Variants in FBXO32 observed in about 807,000 individuals in gnomAD.
FBXO32 encodes the protein F-box only protein 32.
A neutral mutation model predicts 48.3 loss-of-function variants in FBXO32; 15 were observed. The ratio of observed to expected loss-of-function variants is 0.31; its 90% confidence interval spans 0.21 to 0.48. The LOEUF (loss-of-function observed/expected upper bound fraction) is 0.48. Ranked by LOEUF, FBXO32 falls within the 20% of genes least tolerant of loss-of-function variation. FBXO32 has a pLI of 0.99. For synonymous variants in FBXO32, 154 were observed against 165.9 expected (o/e 0.93, Z 0.55); for missense variants, 309 against 432.7 (o/e 0.71, Z 2.54).
chr8:123,508,745 A>G (rs948494888), intron 6 of FBXO32, among the ~76,000 whole-genome samples: 4 of 152,082 alleles, frequency 2.6e-5, no homozygotes, highest in Non-Finnish European at 5.9e-5. Flanking sequence ...TTCGTTTCCA[A>G]CACTTCAAAG....
intron 4 of FBXO32, among the ~76,000 whole-genome samples, chr8:123,526,484 C>A (rs1212010971): frequency 6.6e-6 from 1 of 152,130 alleles, no homozygotes; most frequent in East Asian, 1.9e-4. Flanking sequence ...GCCTCAGCCT[C>A]CCAAAGTGCT....
chr8:123,516,823 C>G (rs1282866452), intron 4 of FBXO32, among the ~76,000 whole-genome samples: 1 of 151,990 alleles, frequency 6.6e-6, no homozygotes, highest in East Asian at 1.9e-4. Context: ...TACTGGTGAT[C>G]TAGTTGGAAG....
At chr8:123,508,122 G>C (rs1816665547) in intron 6 of FBXO32, among the ~76,000 whole-genome samples, 2 of 152,152 alleles carry the variant, frequency 1.3e-5, no homozygotes, top group African/African-American at 2.4e-5. Context: ...TGTGACCTCT[G>C]AGAGGTCACA....
chr8:123,541,080 C>A lies in FBXO32; in HGVS notation c.-66G>T. 8.9e-7 allele frequency: 1 copy of A among 1,127,304 alleles called. No individual in the cohort carries two copies. Among genetic ancestry groups the A allele is most frequent in the Non-Finnish European group, 1.2e-6 (1 of 825,352 alleles). The allele number at this position is 1,127,304 out of a possible 1,614,324, so 69.8% of individuals were successfully genotyped here. On this transcript the variant is annotated 5_prime_UTR_variant, in exon 1 of 9. Coordinates refer to ENST00000517956, the MANE Select transcript of FBXO32 (RefSeq NM_058229.4). ...GCCTGGTGGGCTCGGGGACGTGCCA[C>A]CCGGGGCGGATGCTCGGGGTGCAGG...
intron 4 of FBXO32, among the ~76,000 whole-genome samples, chr8:123,524,851 G>T (rs1275871390): frequency 6.6e-6 from 1 of 152,166 alleles, no homozygotes; most frequent in African/African-American, 2.4e-5. Context: ...CCGTGGCTCT[G>T]CTCTTTTGGC....
chr8:123,534,064 C>A (rs62521282), intron 2 of FBXO32, among the ~76,000 whole-genome samples: 13,718 of 151,314 alleles, frequency 0.091, 725 homozygotes, highest in Non-Finnish European at 0.12. Flanking sequence ...CTGACTCCAG[C>A]CTGGGTGAGA....
At chr8:123,534,234 T>C (rs1280028730) in intron 2 of FBXO32, among the ~76,000 whole-genome samples, 1 of 152,108 alleles carries the variant, frequency 6.6e-6, no homozygotes, top group Non-Finnish European at 1.5e-5. Context: ...AAAACATGCA[T>C]TACAGATAAA....
At chr8:123,528,597 G>A (rs976375020) in intron 4 of FBXO32, among the ~76,000 whole-genome samples, 15 of 152,190 alleles carry the variant, frequency 9.9e-5, no homozygotes, top group African/African-American at 3.6e-4. Context: ...CTTGTAGCCA[G>A]TGAAAATGAT....
chr8:123,522,503 C>G (rs1563923798), intron 4 of FBXO32, among the ~76,000 whole-genome samples: 1 of 152,154 alleles, frequency 6.6e-6, no homozygotes, highest in Non-Finnish European at 1.5e-5. Flanking sequence ...GCCCCCACAC[C>G]TGGCCCTGGT....
intron 7 of FBXO32, among the ~76,000 whole-genome samples, chr8:123,505,578 A>T (rs1816599855): frequency 6.6e-6 from 1 of 152,178 alleles, no homozygotes; most frequent in Non-Finnish European, 1.5e-5. Flanking sequence ...TCTACTAAAA[A>T]TACAAAAATT....
At chr8:123,538,416 C>A (rs1266078607) in intron 1 of FBXO32, among the ~76,000 whole-genome samples, 1 of 152,180 alleles carries the variant, frequency 6.6e-6, no homozygotes, top group Non-Finnish European at 1.5e-5. Context: ...ACGGTCCCTC[C>A]CCGCTTAAGG....
chr8:123,530,510 G>A (rs1817178181), intron 4 of FBXO32, among the ~76,000 whole-genome samples: 1 of 152,226 alleles, frequency 6.6e-6, no homozygotes, highest in South Asian at 2.1e-4. Context: ...AGGGAGCTTT[G>A]GAGGGCAGGC....
At chr8:123,515,802 G>C (rs1816828162) in intron 4 of FBXO32, among the ~76,000 whole-genome samples, 1 of 151,878 alleles carries the variant, frequency 6.6e-6, no homozygotes, top group Non-Finnish European at 1.5e-5. Context: ...GACCAGCCTG[G>C]CCAACATGTG....
chr8:123,537,251 A>G (rs1301902137), intron 1 of FBXO32, among the ~76,000 whole-genome samples: 1 of 147,520 alleles, frequency 6.8e-6, no homozygotes, highest in Non-Finnish European at 1.5e-5. Context: ...TTTTTTTTTT[A>G]ATAAGCAAAA....
intron 4 of FBXO32, among the ~76,000 whole-genome samples, chr8:123,529,757 AG>A (rs1408408362): frequency 6.6e-6 from 1 of 152,200 alleles, no homozygotes; most frequent in Admixed American, 6.5e-5. Flanking sequence ...CATATTTTAA[AG>A]GGTTATTGAA....
At chr8:123,511,585 C>T (rs1244650277) in intron 6 of FBXO32, among the ~76,000 whole-genome samples, 5 of 151,986 alleles carry the variant, frequency 3.3e-5, no homozygotes, top group African/African-American at 1.2e-4. Context: ...AAGTGATTCT[C>T]CTGCCTCAGC....
At chr8:123,520,022 A>G (rs1054775366) in intron 4 of FBXO32, among the ~76,000 whole-genome samples, 2 of 152,192 alleles carry the variant, frequency 1.3e-5, no homozygotes, top group African/African-American at 4.8e-5. Flanking sequence ...TCCTGACCTC[A>G]GGTGATCTGC....
At position 123,534,718 on chromosome 8, in the gene FBXO32, G is replaced by A; in HGVS notation, c.213C>T (p.Ser71=). 6.2e-7 allele frequency: 1 copy of A among 1,612,392 alleles called. No homozygotes were observed. The highest frequency in any genetic ancestry group is 8.5e-7 in the Non-Finnish European group (1 of 1,178,736). Residue 71 remains serine, a synonymous_variant, in exon 2 of 9, where the codon AGC becomes AGT. Coordinates refer to ENST00000517956, the MANE Select transcript of FBXO32 (RefSeq NM_058229.4). ...ATGGCTTACACTGAGTTTTGGTTTT[G>A]CTATTCAGCATGTCCTTCTTTCTCT... ...AKKRKKDMLN[S]KTKTQYFHQE...
chr8:123,504,962 C>T (rs762326421), intron 7 of FBXO32, among the ~76,000 whole-genome samples: 8 of 152,148 alleles, frequency 5.3e-5, no homozygotes, highest in Non-Finnish European at 1.2e-4. Context: ...ACAACAACAA[C>T]AACAACAAAA....
Sources: allele counts gnomAD v4.1 joint callset (sites outside exome capture counted in the v4.1 genomes callset), GRCh38; gene constraint gnomAD v4.1.1; transcripts MANE v1.5; gene names NCBI Gene and HGNC (gene_info 2026-07-23, HGNC 2026-07-21).